Variants in PCDHGA11 observed in about 807,000 individuals in gnomAD.
PCDHGA11 encodes protocadherin gamma-A11.
In PCDHGA11, 39 loss-of-function variants were observed where a neutral mutation model predicts 60.4. The ratio of observed to expected loss-of-function variants is 0.65; its 90% CI spans 0.50 to 0.84. The LOEUF (loss-of-function observed/expected upper bound fraction) is 0.84, where lower values mean the gene tolerates loss of function less well. Among genes scored for constraint, PCDHGA11 ranks in the 40% least tolerant of loss-of-function variants. The pLI is 0.00. For missense variants in PCDHGA11, 1,165 were observed against 1,197.7 expected, an observed-to-expected ratio of 0.97 and a Z score of 0.40; for synonymous variants, 533 against 510.3, an observed-to-expected ratio of 1.04 and a Z score of -0.60.
chr5:141,492,064 C>T (rs1562152072), intron 1 of PCDHGA11: 3 of 484,366 alleles, frequency 6.2e-6, no homozygotes, highest in Non-Finnish European at 1.1e-5. Context: ...AGCCAGCCTC[C>T]TAGGCGCCGG....
At position 141,511,345 on chromosome 5, in the gene PCDHGA11, T is replaced by A; in HGVS notation, c.*172T>A. The A allele has an allele frequency of 7.8e-6, 11 of 1,410,508 alleles. No individual in the cohort carries two copies. The highest frequency in any genetic ancestry group is 1.0e-5 in the Non-Finnish European group (11 of 1,060,682). 87.4% of individuals were successfully genotyped at this position (1,410,508 alleles called of 1,614,324 possible). ...AAGTGCCCAGTCAGCACCTACCCCT[T>A]CCCCCCCAGGGGGTTGAATATGCAA... On this transcript the variant is annotated 3_prime_UTR_variant, in exon 4 of 4. Transcript: ENST00000398587.
Position 141,491,410 on chromosome 5 carries a change from GA to G in PCDHGA11, c.2434-3396del. 1 of 1,614,142 alleles carries G rather than the reference GA, an allele frequency of 6.2e-7. No homozygotes were observed. The highest frequency in any genetic ancestry group is 8.5e-7 in the Non-Finnish European group (1 of 1,180,034). On this transcript the variant is annotated intron_variant, in intron 1 of 3. Coordinates refer to ENST00000398587, the MANE Select transcript of PCDHGA11 (RefSeq NM_018914.3). This position sits in a 1 kb window ranked among gnomAD's most constrained non-coding sequence, Gnocchi z 6.9. ...GTGCCTTCAGGGAAACGCAGACGGG[GA>G]CGGGGGTGGAGGGCAGTGCTGCAGG...
rs753538822 is a variant in PCDHGA11, at chr5:141,476,676, G to C, written c.2434-18131G>C. 6 of 1,614,222 alleles carry C rather than the reference G, an allele frequency of 3.7e-6. No individual in the cohort carries two copies. Among genetic ancestry groups the C allele is most frequent in the Non-Finnish European group, 4.2e-6 (5 of 1,180,054 alleles). ...TACTTTGCGCTTCGCGTGCAGACGCGGGAGGACAGCACCAAGTACGCGGAG... is the reference window on the plus strand; with the variant it reads ...TACTTTGCGCTTCGCGTGCAGACGCCGGAGGACAGCACCAAGTACGCGGAG... On this transcript the variant is annotated intron_variant, in intron 1 of 3. Transcript: ENST00000398587. The surrounding 1 kb of genome is among the most constrained non-coding windows in gnomAD (Gnocchi z 7.6).
Position 141,490,330 on chromosome 5 carries a change from C to T in PCDHGA11, c.2434-4477C>T, listed in dbSNP as rs2099698666. ...GGCCAACCCTGTCCTAGAGAGCACA[C>T]CAGTGGGCACAGTAGTGGGGTTGTT... is the stretch of plus-strand genomic sequence containing the variant. On this transcript the variant is annotated intron_variant, in intron 1 of 3. Transcript: ENST00000398587. The surrounding 1 kb of genome is among the most constrained non-coding windows in gnomAD (Gnocchi z 5.4). 6.2e-7 allele frequency: 1 copy of T among 1,614,080 alleles called. No individual in the cohort carries two copies. Among genetic ancestry groups the T allele is most frequent in the Non-Finnish European group, 8.5e-7 (1 of 1,180,042 alleles).
chr5:141,428,201 CT>C (rs1332694675), intron 1 of PCDHGA11: 1 of 1,349,696 alleles, frequency 7.4e-7, no homozygotes, highest in South Asian at 1.2e-5. Context: ...CTCTGCGCCG[CT>C]ACGCTTCACC....
In PCDHGA11 at chr5:141,421,662, G is replaced by A. The variant is rs2096591243; in HGVS notation, c.435G>A (p.Glu145=). 3 of 1,613,844 alleles carry A rather than the reference G, an allele frequency of 1.9e-6. No homozygotes were observed. The highest frequency in any genetic ancestry group is 1.1e-5 in the South Asian group (1 of 91,048). ...ACGAAGTGGAGATAAAAGTCAGTGA[G>A]CACGCAATTCCTGGGGCGCGATTTG... ...QEDEVEIKVS[E]HAIPGARFAL... is the part of the protein sequence containing the mutation. The change falls in exon 1 of 4, where the codon GAG becomes GAA. Residue 145 remains glutamate, a synonymous_variant. Transcript: ENST00000398587.
At chr5:141,473,189 A>G (rs1049891105) in intron 1 of PCDHGA11, among the ~76,000 whole-genome samples, 2 of 152,198 alleles carry the variant, frequency 1.3e-5, no homozygotes, top group Admixed American at 6.5e-5. Flanking sequence ...GAAGGAGTAA[A>G]TGTATCTTCT....
rs932335651 is a variant in PCDHGA11, at chr5:141,423,330, C to G, written c.2103C>G (p.Val701=). The G allele has an allele frequency of 9.9e-6, 16 of 1,614,056 alleles. No individual in the cohort carries two copies. The highest frequency in any genetic ancestry group is 1.6e-4 in the Middle Eastern group (1 of 6,084). ...ACTTGGTGGTGGCGGTGGCCGCAGT[C>G]TCCTGCATCTTCCTGGTCTTTGTCA... ...SLYLVVAVAA[V]SCIFLVFVIV... Residue 701 remains valine, a synonymous_variant, in exon 1 of 4, where the codon GTC becomes GTG. Coordinates refer to ENST00000398587, the MANE Select transcript of PCDHGA11 (RefSeq NM_018914.3).
Position 141,423,565 on chromosome 5 carries a change from C to G in PCDHGA11, c.2338C>G (p.Leu780Val). The change falls in exon 1 of 4, where the codon CTC becomes GTC. Residue 780 changes from leucine to valine, a missense_variant. Coordinates refer to ENST00000398587, the MANE Select transcript of PCDHGA11 (RefSeq NM_018914.3). ...IFPQPNYGDT[L>V]ISQESCEKSE... is the part of the protein sequence containing the mutation. ...CCCCCAGCCCAACTATGGGGACACG[C>G]TCATCAGCCAGGAGAGCTGTGAGAA... The G allele has an allele frequency of 1.2e-6, 2 of 1,613,594 alleles. No homozygotes were observed. The highest frequency in any genetic ancestry group is 1.7e-6 in the Non-Finnish European group (2 of 1,179,678).
rs934674909 is a variant in PCDHGA11, at chr5:141,511,083, A to C, written c.2718A>C (p.Thr906=). Residue 906 remains threonine, a synonymous_variant, in exon 4 of 4, where the codon ACA becomes ACC. Transcript: ENST00000398587. The part of the protein sequence containing the change: ...QNVYIPGSNA[T]LTNAAGKRDG... Reference sequence around the variant, plus strand: ...TCTACATCCCAGGCAGCAATGCCACACTGACCAACGCAGCTGGCAAGCGGG... The same window carrying C: ...TCTACATCCCAGGCAGCAATGCCACCCTGACCAACGCAGCTGGCAAGCGGG... 1.2e-6 allele frequency: 2 copies of C among 1,614,108 alleles called. No homozygotes were observed. Among genetic ancestry groups the C allele is most frequent in the African/African-American group, 2.7e-5 (2 of 74,940 alleles).
At chr5:141,478,174 GA>G (rs1156842877) in intron 1 of PCDHGA11, 1 of 1,613,574 alleles carries the variant, frequency 6.2e-7, no homozygotes, top group East Asian at 2.2e-5. Context: ...CCCGGGAGCA[GA>G]AAAAAAATCT....
intron 1 of PCDHGA11, among the ~76,000 whole-genome samples, chr5:141,448,614 A>G (rs985924011): frequency 1.3e-5 from 2 of 152,070 alleles, no homozygotes; most frequent in East Asian, 1.9e-4. Flanking sequence ...ACCACTTTAT[A>G]TCTTCCTTTC....
At chr5:141,436,471 A>G (rs1249793994) in intron 1 of PCDHGA11, among the ~76,000 whole-genome samples, 1 of 152,204 alleles carries the variant, frequency 6.6e-6, no homozygotes, top group Non-Finnish European at 1.5e-5. Flanking sequence ...TTTCAGATGT[A>G]TCATAGAAGG....
rs1340932902 is a variant in PCDHGA11 at position 141,423,444 on chromosome 5, A to C, written c.2217A>C (p.Ser739=). Residue 739 remains serine, a synonymous_variant, in exon 1 of 4, where the codon TCA becomes TCC. Transcript: ENST00000398587. The part of the protein sequence containing the change: ...SEGGLAGMPT[S]HFVGVDGVQA... ...GCGGGTTGGCAGGTATGCCCACGTC[A>C]CATTTTGTAGGCGTGGACGGGGTAC... 1 of 1,614,050 alleles carries C rather than the reference A, an allele frequency of 6.2e-7. No individual in the cohort carries two copies.
chr5:141,446,920 C>T (rs2098520337), intron 1 of PCDHGA11, among the ~76,000 whole-genome samples: 1 of 152,108 alleles, frequency 6.6e-6, no homozygotes, highest in African/African-American at 2.4e-5. Flanking sequence ...TATTTATCTT[C>T]CTGATCTCTT....
intron 1 of PCDHGA11, among the ~76,000 whole-genome samples, chr5:141,436,290 T>C (rs2097808305): frequency 6.6e-6 from 1 of 152,164 alleles, no homozygotes; most frequent in Non-Finnish European, 1.5e-5. Flanking sequence ...GAACAAATCA[T>C]TGAGAGTTAG....
Position 141,432,454 on chromosome 5 carries a change from C to T in PCDHGA11, c.2433+8794C>T, listed in dbSNP as rs751733947. On this transcript the variant is annotated intron_variant, in intron 1 of 3. Coordinates refer to ENST00000398587, the MANE Select transcript of PCDHGA11 (RefSeq NM_018914.3). The surrounding 1 kb of genome is among the most constrained non-coding windows in gnomAD (Gnocchi z 6.0). ...ACAATGCGCCCGAGATCCTGTACCC[C>T]GCCCTCCCCACGGACGGTTCCACTG... 134 of 1,614,108 alleles carry T rather than the reference C, an allele frequency of 8.3e-5. No homozygotes were observed. The highest frequency in any genetic ancestry group is 1.1e-4 in the Non-Finnish European group (133 of 1,180,058).
Position 141,494,880 on chromosome 5 carries a change from C to T in PCDHGA11, c.2492+15C>T. On this transcript the variant is annotated intron_variant, in intron 2 of 3. Transcript: ENST00000398587. ...GGCACCAGCGGGTAGGTGACTGATT[C>T]TCCAGCCCACCCTCTTCTCTGCGGC... 3 of 1,614,158 alleles carry T rather than the reference C, an allele frequency of 1.9e-6. No homozygotes were observed. Among genetic ancestry groups the T allele is most frequent in the Non-Finnish European group, 1.7e-6 (2 of 1,180,012 alleles).
chr5:141,494,752 T>C (rs889400984), intron 1 of PCDHGA11, 55 bp from the exon 2 acceptor site: 18 of 1,612,206 alleles, frequency 1.1e-5, no homozygotes, highest in Non-Finnish European at 1.5e-5. Context: ...GGGGCTCGGG[T>C]GACATTCTAA....
Sources: gnomAD v4.1 joint callset for allele counts (sites outside exome capture counted in the v4.1 genomes callset) on GRCh38, gnomAD v4.1.1 for gene constraint, Gnocchi (gnomAD v3.1) non-coding constraint, MANE v1.5 for transcripts, NCBI Gene and HGNC (gene_info 2026-07-23, HGNC 2026-07-21) for gene names.